NBEA: variants seen among roughly 807,000 people sequenced by gnomAD.
The protein encoded by NBEA is neurobeachin, also known as lysosomal-trafficking regulator 2.
NBEA carries 44 observed loss-of-function variants against 343.4 expected under a neutral mutation model. That is an observed-to-expected ratio of 0.13 (90% CI 0.10 to 0.16). The LOEUF (loss-of-function observed/expected upper bound fraction) is 0.16. Among genes scored for constraint, NBEA ranks in the 10% least tolerant of loss-of-function variants. The pLI is 1.00. For missense variants in NBEA, 2,555 were observed against 3,631.3 expected (o/e 0.70, Z 7.62); for synonymous variants, 1,175 against 1,238.7 (o/e 0.95, Z 1.08).
At chr13:35,353,898 A>T (rs1451301977) in intron 38 of NBEA, among the ~76,000 whole-genome samples, 1 of 152,174 alleles carries the variant, frequency 6.6e-6, no homozygotes, top group Non-Finnish European at 1.5e-5. Flanking sequence ...TCATTCAATC[A>T]TGGGAGCTGG....
intron 31 of NBEA, among the ~76,000 whole-genome samples, chr13:35,204,102 CTGCTCCTCAT>C (rs2073208986): frequency 1.3e-5 from 2 of 152,138 alleles, no homozygotes; most frequent in African/African-American, 4.8e-5. Flanking sequence ...GCATTTACAG[CTGCTCCTCAT>C]TGCTCGCATT....
Position 35,671,081 on chromosome 13 carries a change from C to A in NBEA, c.*90C>A. 1 of 830,970 alleles carries A rather than the reference C, an allele frequency of 1.2e-6. No homozygotes were observed. Among genetic ancestry groups the A allele is most frequent in the South Asian group, 1.5e-5 (1 of 66,344 alleles). The allele number at this position is 830,970 out of a possible 1,614,324, so 51.5% of individuals were successfully genotyped here. ...ATCTCTGGTGGAAAAAACTCGTCTA[C>A]ATCGACCTCCGTTTGTACATTCCAT... On this transcript the variant is annotated 3_prime_UTR_variant, in exon 59 of 59. Coordinates refer to ENST00000379939, the MANE Select transcript of NBEA (RefSeq NM_001385012.1).
At chr13:35,638,015 A>C (rs1444157703) in intron 49 of NBEA, among the ~76,000 whole-genome samples, 1 of 152,172 alleles carries the variant, frequency 6.6e-6, no homozygotes, top group Non-Finnish European at 1.5e-5. Context: ...AGCCAGTCAC[A>C]AAAAGACAAA....
At chr13:35,396,566 T>C (rs950700094) in intron 38 of NBEA, among the ~76,000 whole-genome samples, 1 of 152,164 alleles carries the variant, frequency 6.6e-6, no homozygotes, top group Non-Finnish European at 1.5e-5. Context: ...GATTCATTTG[T>C]AGCTTATCAG....
chr13:35,640,974 A>G (rs2083918796), intron 49 of NBEA, among the ~76,000 whole-genome samples: 2 of 152,136 alleles, frequency 1.3e-5, no homozygotes, highest in Non-Finnish European at 2.9e-5. Flanking sequence ...TGTCAGTTCA[A>G]TAAATATTCA....
chr13:35,203,150 C>A (rs1262770299), intron 31 of NBEA, among the ~76,000 whole-genome samples: 1 of 152,142 alleles, frequency 6.6e-6, no homozygotes, highest in Non-Finnish European at 1.5e-5. Flanking sequence ...AAGGTTATAT[C>A]CTTCTGTGCA....
intron 38 of NBEA, among the ~76,000 whole-genome samples, chr13:35,363,493 T>G (rs559748001): frequency 6.6e-6 from 1 of 151,994 alleles, no homozygotes; most frequent in South Asian, 2.1e-4. Context: ...TTACTTCAAT[T>G]TCCTCACCCC....
chr13:35,524,326 C>T (rs375830143), intron 41 of NBEA, among the ~76,000 whole-genome samples: 8 of 152,326 alleles, frequency 5.3e-5, no homozygotes, highest in African/African-American at 1.9e-4. Flanking sequence ...AGGAAAAAGT[C>T]AGCAATGAAC....
rs1462708175 is a variant in NBEA, at chr13:35,484,268, GTGTGTGTATATATATA to G, written c.6585+11734_6585+11749del. On this transcript the variant is annotated intron_variant, in intron 41 of 58. Coordinates refer to ENST00000379939, the MANE Select transcript of NBEA (RefSeq NM_001385012.1). ...TGTGTGTGTGTGTGTGTGTGTGTGT[GTGTGTGTATATATATA>G]TATATATATGTAGACCCTCACTAAT... 1.3e-4 allele frequency among the ~76,000 whole-genome samples: 14 copies of G among 107,400 alleles called. No homozygotes were observed. The East Asian group carries it at 2.7e-3, about 20-fold the overall frequency. 70.5% of individuals were successfully genotyped at this position (107,400 alleles called of 152,430 possible).
At chr13:35,123,023 G>A (rs1478650299) in intron 16 of NBEA, among the ~76,000 whole-genome samples, 1 of 152,168 alleles carries the variant, frequency 6.6e-6, no homozygotes, top group African/African-American at 2.4e-5. Flanking sequence ...GGGTGCAGGT[G>A]GCTCACGCCT....
intron 44 of NBEA, among the ~76,000 whole-genome samples, chr13:35,563,020 T>G (rs1189781955): frequency 1.3e-5 from 2 of 151,982 alleles, no homozygotes; most frequent in African/African-American, 4.8e-5. Context: ...TGTTTCACTT[T>G]TATTATTTGA....
chr13:35,197,789 C>T (rs560790662), intron 31 of NBEA, among the ~76,000 whole-genome samples: 50 of 152,268 alleles, frequency 3.3e-4, no homozygotes, highest in Middle Eastern at 6.8e-3. Context: ...CGTGCGCCAC[C>T]GCACCTGGCC....
chr13:35,513,707 A>G (rs1056753867), intron 41 of NBEA, among the ~76,000 whole-genome samples: 2 of 152,128 alleles, frequency 1.3e-5, no homozygotes, highest in African/African-American at 4.8e-5. Flanking sequence ...ATTCAGGAAC[A>G]TGTTCATGTT....
At chr13:35,380,255 G>A (rs1377419330) in intron 38 of NBEA, among the ~76,000 whole-genome samples, 4 of 151,764 alleles carry the variant, frequency 2.6e-5, no homozygotes, top group South Asian at 2.1e-4. Flanking sequence ...GACCAGCCTC[G>A]CCAACATGGT....
chr13:35,086,722 A>G (rs1452766917), intron 10 of NBEA, among the ~76,000 whole-genome samples: 1 of 151,948 alleles, frequency 6.6e-6, no homozygotes, highest in Non-Finnish European at 1.5e-5. Context: ...TAACTCTTTG[A>G]AACATCTCCA....
intron 47 of NBEA, among the ~76,000 whole-genome samples, chr13:35,603,112 G>T (rs1467865994): frequency 5.3e-5 from 8 of 151,638 alleles, no homozygotes; most frequent in Admixed American, 2.0e-4. Flanking sequence ...TTCATTTCAG[G>T]GTTTATATCC....
At chr13:35,630,334 T>C (rs1393609516) in intron 49 of NBEA, among the ~76,000 whole-genome samples, 1 of 152,220 alleles carries the variant, frequency 6.6e-6, no homozygotes, top group Non-Finnish European at 1.5e-5. Context: ...TATAAGGCTT[T>C]GTTAATGTAG....
intron 37 of NBEA, among the ~76,000 whole-genome samples, chr13:35,351,335 G>A (rs1462227281): frequency 1.3e-5 from 2 of 151,580 alleles, no homozygotes; most frequent in Non-Finnish European, 3.0e-5. Context: ...TATATTTATT[G>A]TAGTTTTCTG....
chr13:35,670,647 T>C (rs1416027303), intron 58 of NBEA, among the ~76,000 whole-genome samples: 2 of 152,234 alleles, frequency 1.3e-5, no homozygotes, highest in African/African-American at 2.4e-5. Context: ...GCTGGAAATG[T>C]GGTTCCGTGG....
Sources: allele counts gnomAD v4.1 joint callset (sites outside exome capture counted in the v4.1 genomes callset), GRCh38; gene constraint gnomAD v4.1.1; transcripts MANE v1.5; gene names NCBI Gene and HGNC (gene_info 2026-07-23, HGNC 2026-07-21).